Variants in CLASP1 observed in about 807,000 individuals in gnomAD.
CLASP1 encodes the protein CLIP-associating protein 1.
CLASP1 carries 38 observed loss-of-function variants against 192.3 expected under a neutral mutation model. The observed-to-expected ratio is 0.20, with a 90% CI of 0.15 to 0.26. CLASP1 has a LOEUF of 0.26. Ranked by LOEUF, CLASP1 falls within the 10% of genes least tolerant of loss-of-function variation. CLASP1 has a pLI of 1.00. For synonymous variants in CLASP1, 691 were observed against 712.8 expected (o/e 0.97, Z 0.49); for missense variants, 1,433 against 1,932.5 (o/e 0.74, Z 4.85).
chr2:121,357,767 T>C (rs1206817551), intron 37 of CLASP1, among the ~76,000 whole-genome samples: 1 of 152,208 alleles, frequency 6.6e-6, no homozygotes, highest in Non-Finnish European at 1.5e-5. Flanking sequence ...ACACAGAGAA[T>C]ATGAGGGCTC....
At chr2:121,611,332 G>T (rs2065435774) in intron 1 of CLASP1, among the ~76,000 whole-genome samples, 1 of 137,186 alleles carries the variant, frequency 7.3e-6, no homozygotes, top group African/African-American at 2.8e-5. Flanking sequence ...GGAGGAAGAG[G>T]AGTTACAGGA....
At chr2:121,481,499 A>G (rs1260198966) in intron 8 of CLASP1, among the ~76,000 whole-genome samples, 1 of 152,230 alleles carries the variant, frequency 6.6e-6, no homozygotes, top group Admixed American at 6.5e-5. Flanking sequence ...GGTCACAGGA[A>G]AGAAAATAAT....
chr2:121,529,312 G>C (rs907736324), intron 3 of CLASP1, among the ~76,000 whole-genome samples: 15 of 152,192 alleles, frequency 9.9e-5, no homozygotes, highest in African/African-American at 3.6e-4. Context: ...TGCACCTGTA[G>C]ACCAGAGATC....
intron 13 of CLASP1, among the ~76,000 whole-genome samples, chr2:121,458,357 G>C (rs1176336319): frequency 1.3e-5 from 2 of 152,084 alleles, no homozygotes; most frequent in African/African-American, 2.4e-5. Context: ...AAATTACTTG[G>C]ATAATTATTT....
chr2:121,525,776 G>T (rs1481594089), intron 6 of CLASP1, 69 bp downstream of exon 6: 1 of 1,073,422 alleles, frequency 9.3e-7, no homozygotes, highest in Non-Finnish European at 1.4e-6. Flanking sequence ...CACCCACTAC[G>T]GAACACCAGA....
chr2:121,543,152 C>A (rs1038389306), intron 2 of CLASP1, among the ~76,000 whole-genome samples: 3 of 152,148 alleles, frequency 2.0e-5, no homozygotes, highest in African/African-American at 7.2e-5. Flanking sequence ...CTGCTCTAGA[C>A]CACTGGCTGC....
At chr2:121,632,618 T>C (rs2069914610) in intron 1 of CLASP1, among the ~76,000 whole-genome samples, 1 of 152,016 alleles carries the variant, frequency 6.6e-6, no homozygotes, top group Non-Finnish European at 1.5e-5. Context: ...TAAAATGCGC[T>C]GGACGCGGTG....
chr2:121,510,741 T>C (rs951620076), intron 7 of CLASP1, among the ~76,000 whole-genome samples: 3 of 152,094 alleles, frequency 2.0e-5, no homozygotes, highest in Non-Finnish European at 4.4e-5. Flanking sequence ...AAGGCTGCAG[T>C]GAGCAATGAT....
intron 14 of CLASP1, among the ~76,000 whole-genome samples, chr2:121,453,281 T>C (rs1276697365): frequency 6.6e-6 from 1 of 152,174 alleles, no homozygotes; most frequent in African/African-American, 2.4e-5. Flanking sequence ...GGGAACCAAG[T>C]CAGACCCTGT....
At chr2:121,348,418 T>C in intron 38 of CLASP1, 94 bp downstream of exon 39, 1 of 1,162,574 alleles carries the variant, frequency 8.6e-7, no homozygotes, top group South Asian at 1.5e-5. Context: ...TACCCGTCCC[T>C]GCCAGTGAAG....
chr2:121,600,734 CT>C (rs1475544242), intron 2 of CLASP1, among the ~76,000 whole-genome samples: 2 of 152,088 alleles, frequency 1.3e-5, no homozygotes, highest in African/African-American at 4.8e-5. Context: ...TTGCACCAAT[CT>C]AATAATTTAA....
At chr2:121,549,995 G>A (rs2057876792) in intron 2 of CLASP1, among the ~76,000 whole-genome samples, 2 of 120,402 alleles carry the variant, frequency 1.7e-5, no homozygotes, top group African/African-American at 3.3e-5. Context: ...GACAGAGCAC[G>A]ACTCCGTCTC....
intron 1 of CLASP1, among the ~76,000 whole-genome samples, chr2:121,616,927 GAA>G (rs1206482808): frequency 6.6e-6 from 1 of 152,204 alleles, no homozygotes; most frequent in Non-Finnish European, 1.5e-5. Context: ...CCTGAAAGAA[GAA>G]AGAGACAAAC....
intron 7 of CLASP1, among the ~76,000 whole-genome samples, chr2:121,508,152 A>T (rs2094000178): frequency 6.6e-6 from 1 of 152,192 alleles, no homozygotes; most frequent in Non-Finnish European, 1.5e-5. Context: ...CTTAAAAAGA[A>T]ACTGCATAAA....
intron 19 of CLASP1, among the ~76,000 whole-genome samples, chr2:121,442,176 C>T (rs142825280): frequency 5.4e-4 from 82 of 152,210 alleles, no homozygotes; most frequent in African/African-American, 1.9e-3. Context: ...TATGAGAATG[C>T]ATTCATTTAC....
intron 1 of CLASP1, among the ~76,000 whole-genome samples, chr2:121,618,381 A>G (rs1237496796): frequency 6.6e-6 from 1 of 152,238 alleles, no homozygotes; most frequent in Non-Finnish European, 1.5e-5. Context: ...AGTAAAAGGA[A>G]TGTGCAAATA....
chr2:121,649,109 C>T (rs2073738745), intron 1 of CLASP1, among the ~76,000 whole-genome samples: 2 of 152,180 alleles, frequency 1.3e-5, no homozygotes, highest in Middle Eastern at 3.2e-3. Context: ...GCACACAAAG[C>T]CCGACTGACC....
chr2:121,606,240 T>C (rs1267641672), intron 1 of CLASP1, 60 bp from the exon 2 acceptor site: 5 of 390,066 alleles, frequency 1.3e-5, no homozygotes, highest in Non-Finnish European at 2.3e-5. Flanking sequence ...CCAAATGTTA[T>C]GAAACATTAA....
exon 11 of CLASP1, chr2:121,461,103 C>T (rs1361441170): frequency 6.3e-7 from 1 of 1,581,412 alleles, no homozygotes; most frequent in African/African-American, 1.4e-5. Context: ...CAGCTTACAG[C>T]ATTTACTCTC....
Sources: gnomAD v4.1 joint callset for allele counts (sites outside exome capture counted in the v4.1 genomes callset) on GRCh38, gnomAD v4.1.1 for gene constraint, MANE v1.5 for transcripts, NCBI Gene and HGNC (gene_info 2026-07-23, HGNC 2026-07-21) for gene names.